The following GBE1 variants were observed in gnomAD, a reference collection of about 807,000 sequenced individuals.
GBE1 encodes 1,4-alpha-glucan branching enzyme 1.
Under a neutral mutation model 88.8 loss-of-function variants are expected in GBE1, and 70 were observed. That is an observed-to-expected ratio of 0.79 (90% CI 0.65 to 0.96). The LOEUF (loss-of-function observed/expected upper bound fraction) is 0.96. GBE1 is among the 40% of genes least tolerant of loss of function. The probability of loss-of-function intolerance (pLI) is 0.00; values close to 1 mark genes in which losing one functional copy is unlikely to be tolerated. For missense variants in GBE1, 872 were observed against 871.0 expected, an observed-to-expected ratio of 1.00 and a Z score of -0.01; for synonymous variants, 284 against 300.1, an observed-to-expected ratio of 0.95 and a Z score of 0.56.
Position 81,750,602 on chromosome 3 carries a change from T to TGTATATATATATGTATATATATATAC in GBE1, c.143+10772_143+10773insGTATATATATATACATATATATATAC, listed in dbSNP as rs1559708632. ...GTATATATATACGTATATATATATG[T>TGTATATATATATGTATATATATATAC]GTATATATATATATGTATATATATA... On this transcript the variant is annotated intron_variant, in intron 1 of 15. Coordinates refer to ENST00000429644, the MANE Select transcript of GBE1 (RefSeq NM_000158.4). 5.2e-4 allele frequency among the ~76,000 whole-genome samples: 15 copies of TGTATATATATATGTATATATATATAC among 28,988 alleles called. 2 individuals are homozygous for TGTATATATATATGTATATATATATAC. Among genetic ancestry groups the TGTATATATATATGTATATATATATAC allele is most frequent in the South Asian group, 1.3e-3 (2 of 1,532 alleles). The allele number at this position is 28,988 out of a possible 152,430, so 19.0% of individuals were successfully genotyped here.
intron 1 of GBE1, among the ~76,000 whole-genome samples, chr3:81,730,533 T>G (rs543801601): frequency 6.6e-6 from 1 of 152,306 alleles, no homozygotes; most frequent in Non-Finnish European, 1.5e-5. Context: ...TTTCAGTTAA[T>G]TGAAAGCTAA....
intron 12 of GBE1, among the ~76,000 whole-genome samples, chr3:81,546,218 T>TCA (rs141041109): frequency 2.2e-4 from 33 of 148,836 alleles, no homozygotes; most frequent in East Asian, 5.9e-4. Flanking sequence ...ACACACAAAC[T>TCA]CACACACACA....
chr3:81,518,380 T>G (rs988782197), intron 14 of GBE1, among the ~76,000 whole-genome samples: 2 of 151,382 alleles, frequency 1.3e-5, no homozygotes, highest in African/African-American at 4.8e-5. Flanking sequence ...ACCCCAAAAC[T>G]AAATACATTC....
rs1429036307 is a variant in GBE1 at position 81,499,500 on chromosome 3, A to G, written c.1935-273T>C. On this transcript the variant is annotated intron_variant, in intron 14 of 15. Coordinates refer to ENST00000429644, the MANE Select transcript of GBE1 (RefSeq NM_000158.4). ...CATACCTAATCTACTTTTCTCTTCA[A>G]GCAACCCATTCCACTTGTTATAAAT... 2.0e-5 allele frequency among the ~76,000 whole-genome samples: 3 copies of G among 152,158 alleles called. No homozygotes were observed. The East Asian group carries it at 5.8e-4, about 29-fold the overall frequency.
intron 2 of GBE1, among the ~76,000 whole-genome samples, chr3:81,694,361 A>C (rs1705563383): frequency 1.3e-5 from 2 of 152,232 alleles, no homozygotes; most frequent in Admixed American, 6.5e-5. Context: ...TAGCCATTTA[A>C]AGAAAGTAGG....
intron 12 of GBE1, among the ~76,000 whole-genome samples, chr3:81,539,082 G>A (rs1373669511): frequency 6.6e-6 from 1 of 151,998 alleles, no homozygotes; most frequent in Admixed American, 6.6e-5. Context: ...TCTAAGGTAG[G>A]TAATATCATT....
chr3:81,738,536 TA>T lies in GBE1; in HGVS notation c.143+22838del, dbSNP rs61470574. Among the ~76,000 whole-genome samples, 762 of 150,790 alleles carry T rather than the reference TA, an allele frequency of 5.1e-3. 2 individuals carry two copies. The highest frequency in any genetic ancestry group is 0.018 in the African/African-American group (731 of 41,090). On this transcript the variant is annotated intron_variant, in intron 1 of 15. Coordinates refer to ENST00000429644, the MANE Select transcript of GBE1 (RefSeq NM_000158.4). Reference sequence around the variant, plus strand: ...GAGCAAAAAATGTGTGTTTTTTTTTTAAAAAAAAAGACTCTTCACAGGTTGG... The same window carrying T: ...GAGCAAAAAATGTGTGTTTTTTTTTTAAAAAAAAGACTCTTCACAGGTTGG...
chr3:81,526,048 C>T (rs919250831), intron 14 of GBE1, among the ~76,000 whole-genome samples: 5 of 151,952 alleles, frequency 3.3e-5, no homozygotes, highest in African/African-American at 7.2e-5. Context: ...CAGCTCTGAT[C>T]ATAGTTATTT....
At position 81,502,570 on chromosome 3, in the gene GBE1, A is replaced by C. The variant is rs538079925; in HGVS notation, c.1935-3343T>G. Among the ~76,000 whole-genome samples the C allele has an allele frequency of 2.0e-5, 3 of 152,342 alleles. No individual in the cohort carries two copies. In the East Asian group the frequency reaches 5.8e-4, roughly 29 times the overall value. On this transcript the variant is annotated intron_variant, in intron 14 of 15. Coordinates refer to ENST00000429644, the MANE Select transcript of GBE1 (RefSeq NM_000158.4). ...ACTAAGTGAAAGGTAATGCGTGTGA[A>C]AGAGCTTTATAATTGTGAATTGCTA...
chr3:81,713,842 G>A (rs944860478), intron 1 of GBE1, among the ~76,000 whole-genome samples: 1 of 152,120 alleles, frequency 6.6e-6, no homozygotes, highest in Non-Finnish European at 1.5e-5. Flanking sequence ...ATGAAACTGA[G>A]CAAAGGTGAC....
At chr3:81,567,083 C>T (rs1253140464) in intron 12 of GBE1, among the ~76,000 whole-genome samples, 1 of 152,168 alleles carries the variant, frequency 6.6e-6, no homozygotes, top group East Asian at 1.9e-4. Flanking sequence ...CACTTTTAAA[C>T]CCACTCCATT....
At chr3:81,590,400 T>C (rs1245720790) in intron 9 of GBE1, among the ~76,000 whole-genome samples, 4 of 152,136 alleles carry the variant, frequency 2.6e-5, no homozygotes, top group African/African-American at 9.6e-5. Flanking sequence ...AGAGGGATTT[T>C]AGCACTAAAT....
At chr3:81,760,059 A>G (rs2594557) in intron 1 of GBE1, among the ~76,000 whole-genome samples, 2,404 of 152,316 alleles carry the variant, frequency 0.016, 58 homozygotes, top group African/African-American at 0.054. Flanking sequence ...ACCTATGACG[A>G]TTATGCACTA....
rs142308450 is a variant in GBE1, at chr3:81,624,932, T to G, written c.992+17849A>C. Among the ~76,000 whole-genome samples the G allele has an allele frequency of 1.9e-3, 285 of 152,208 alleles. 2 individuals are homozygous for G. The highest frequency in any genetic ancestry group is 6.3e-3 in the African/African-American group (263 of 41,540). ...AAGGAAACTTTCTAGCAGCAGCCACTTTTTTCTACCTGCTAAAATAATCAG... is the reference window on the plus strand; with the variant it reads ...AAGGAAACTTTCTAGCAGCAGCCACGTTTTTCTACCTGCTAAAATAATCAG... On this transcript the variant is annotated intron_variant, in intron 7 of 15. Transcript: ENST00000429644.
intron 14 of GBE1, among the ~76,000 whole-genome samples, chr3:81,512,846 C>T (rs556090523): frequency 6.6e-6 from 1 of 151,724 alleles, no homozygotes; most frequent in South Asian, 2.1e-4. Flanking sequence ...ACTTTTGGTA[C>T]TAATTTTGAT....
intron 15 of GBE1, among the ~76,000 whole-genome samples, chr3:81,497,224 C>T (rs893067323): frequency 8.5e-5 from 13 of 152,126 alleles, no homozygotes; most frequent in Admixed American, 2.0e-4. Context: ...ATATTTTCTG[C>T]CCACCTCAAA....
rs781661344 is a variant in GBE1, at chr3:81,490,491, A to G, written c.2053-28T>C. 4.4e-6 allele frequency: 7 copies of G among 1,587,396 alleles called. No individual in the cohort carries two copies. The South Asian group carries it at 4.5e-5, about 10-fold the overall frequency. On this transcript the variant is annotated intron_variant, in intron 15 of 15. Transcript: ENST00000429644. The stretch of plus-strand genomic sequence containing the variant: ...ACGTCAAAACAATTATGTCAGTGCA[A>G]TTGAAGAAAGTACCAAACGGCCTGT...
intron 8 of GBE1, among the ~76,000 whole-genome samples, chr3:81,592,463 T>A (rs1703893096): frequency 6.6e-6 from 1 of 152,106 alleles, no homozygotes; most frequent in African/African-American, 2.4e-5. Flanking sequence ...CTGATAAATT[T>A]CCCTTTATTA....
At chr3:81,742,810 A>G (rs533312273) in intron 1 of GBE1, among the ~76,000 whole-genome samples, 1 of 152,180 alleles carries the variant, frequency 6.6e-6, no homozygotes, top group Admixed American at 6.6e-5. Flanking sequence ...CACAATGCAC[A>G]AATTACAATC....
Sources: allele counts gnomAD v4.1 joint callset (sites outside exome capture counted in the v4.1 genomes callset), GRCh38; gene constraint gnomAD v4.1.1; transcripts MANE v1.5; gene names NCBI Gene and HGNC (gene_info 2026-07-23, HGNC 2026-07-21).